Variants in ELL2 observed in about 807,000 individuals in gnomAD.
The protein encoded by ELL2 is RNA polymerase II elongation factor ELL2.
In ELL2, 21 loss-of-function variants were observed where a neutral mutation model predicts 72.8. The observed-to-expected ratio is 0.29, with a 90% CI of 0.20 to 0.42. ELL2 has a LOEUF of 0.42. ELL2 is among the 10% of genes least tolerant of loss of function. The pLI is 1.00. For missense variants in ELL2, 568 were observed against 772.8 expected, an observed-to-expected ratio of 0.73 and a Z score of 3.14; for synonymous variants, 266 against 283.2, an observed-to-expected ratio of 0.94 and a Z score of 0.61.
intron 1 of ELL2, among the ~76,000 whole-genome samples, chr5:95,954,403 C>CT (rs996595214): frequency 0.02 from 2,443 of 122,464 alleles, 68 homozygotes; most frequent in African/African-American, 0.056. Context: ...TTAAATTATT[C>CT]TTTTTTTTTT....
At chr5:95,915,925 G>A (rs1245419359) in intron 3 of ELL2, among the ~76,000 whole-genome samples, 3 of 152,062 alleles carry the variant, frequency 2.0e-5, no homozygotes. Flanking sequence ...AAAGGATAAC[G>A]AGAGGCTGAA....
chr5:95,885,205 G>C lies in ELL2; in HGVS notation c.*3666C>G, dbSNP rs1748425018. ...AGCCCCTGTGACATTTTACCTTTGAGAGTCCTAACACGGTTTGAGTGGAAC... is the reference window on the plus strand; with the variant it reads ...AGCCCCTGTGACATTTTACCTTTGACAGTCCTAACACGGTTTGAGTGGAAC... On this transcript the variant is annotated 3_prime_UTR_variant, in exon 12 of 12. Transcript: ENST00000237853. The C allele has an allele frequency of 6.6e-6, 1 of 152,188 alleles. No homozygotes were observed. Among genetic ancestry groups the C allele is most frequent in the East Asian group, 1.9e-4 (1 of 5,198 alleles). The allele number at this position is 152,188 out of a possible 1,614,324, so 9.4% of individuals were successfully genotyped here. A position where few individuals can be genotyped will look rare whatever the true frequency, so the allele number is the denominator to read the frequency against.
At chr5:95,934,284 G>T (rs1230680904) in intron 2 of ELL2, among the ~76,000 whole-genome samples, 2 of 152,016 alleles carry the variant, frequency 1.3e-5, no homozygotes, top group African/African-American at 4.8e-5. Context: ...ATAAAGAACT[G>T]CCCTTTTCCT....
In ELL2 at chr5:95,915,819, T is replaced by G. The variant is rs113707249; in HGVS notation, c.318-1885A>C. 4.4e-3 allele frequency among the ~76,000 whole-genome samples: 663 copies of G among 151,848 alleles called. 7 individuals are homozygous for G. The highest frequency in any genetic ancestry group is 0.015 in the African/African-American group (615 of 41,388). The stretch of plus-strand genomic sequence containing the variant: ...AGGTTTTCAAATTGTCCAAAGAAAG[T>G]TGGGAAGGACAATTACAGCTGAAGC... On this transcript the variant is annotated intron_variant, in intron 3 of 11. Transcript: ENST00000237853.
chr5:95,889,056 G>C (rs1391889453), intron 11 of ELL2, 30 bp downstream of exon 11: 2 of 1,599,454 alleles, frequency 1.3e-6, no homozygotes, highest in Non-Finnish European at 1.7e-6. Flanking sequence ...TTCAACCACA[G>C]GTCAGAAAAT....
At chr5:95,904,405 T>G (rs1410646234) in intron 5 of ELL2, among the ~76,000 whole-genome samples, 2 of 152,112 alleles carry the variant, frequency 1.3e-5, no homozygotes, top group Non-Finnish European at 2.9e-5. Flanking sequence ...TAAAAGGTCA[T>G]TCTAAGAAAA....
chr5:95,941,988 T>A lies in ELL2; in HGVS notation c.195+1014A>T, dbSNP rs983978744. Among the ~76,000 whole-genome samples the A allele has an allele frequency of 3.9e-4, 59 of 152,234 alleles. 1 individual carries two copies. The highest frequency in any genetic ancestry group is 1.4e-3 in the African/African-American group (59 of 41,460). On this transcript the variant is annotated intron_variant, in intron 2 of 11. Coordinates refer to ENST00000237853, the MANE Select transcript of ELL2 (RefSeq NM_012081.6). ...GGAAAACAGGACTTAATTGTAAAGCTGTCATGTAGAAGCAAAACTCTGACA... is the reference window on the plus strand; with the variant it reads ...GGAAAACAGGACTTAATTGTAAAGCAGTCATGTAGAAGCAAAACTCTGACA...
At chr5:95,903,136 C>T (rs1749205454) in intron 5 of ELL2, among the ~76,000 whole-genome samples, 1 of 151,446 alleles carries the variant, frequency 6.6e-6, no homozygotes, top group Middle Eastern at 3.4e-3. Context: ...ATTGACACCC[C>T]CACCCCCACA....
intron 9 of ELL2, among the ~76,000 whole-genome samples, chr5:95,892,343 C>T (rs1047845111): frequency 1.1e-4 from 16 of 152,084 alleles, no homozygotes; most frequent in African/African-American, 3.6e-4. Flanking sequence ...GACAGGGTTT[C>T]GTCATGTTGC....
chr5:95,954,634 G>T (rs1213740420), intron 1 of ELL2, among the ~76,000 whole-genome samples: 1 of 134,516 alleles, frequency 7.4e-6, no homozygotes, highest in Non-Finnish European at 1.5e-5. Flanking sequence ...TAGAGACAGG[G>T]TTTCACCGTG....
At chr5:95,928,818 C>A (rs956519690) in intron 2 of ELL2, among the ~76,000 whole-genome samples, 8 of 152,162 alleles carry the variant, frequency 5.3e-5, no homozygotes, top group Non-Finnish European at 1.5e-5. Flanking sequence ...CTCTGTCAGT[C>A]TCAAGGGTCA....
intron 9 of ELL2, among the ~76,000 whole-genome samples, chr5:95,893,005 A>C (rs1748723605): frequency 6.6e-6 from 1 of 152,224 alleles, no homozygotes; most frequent in Non-Finnish European, 1.5e-5. Context: ...CCTGGGGATA[A>C]GCATATATTA....
At chr5:95,938,612 C>A (rs1389420486) in intron 2 of ELL2, among the ~76,000 whole-genome samples, 2 of 152,032 alleles carry the variant, frequency 1.3e-5, no homozygotes, top group African/African-American at 4.8e-5. Flanking sequence ...ATCCTAGCTA[C>A]TTGGGAGGCT....
rs369413459 is a variant in ELL2 at position 95,951,031 on chromosome 5, C to G, written c.148-7982G>C. Among the ~76,000 whole-genome samples, 17 of 147,322 alleles carry G rather than the reference C, an allele frequency of 1.2e-4. No individual in the cohort carries two copies. In the East Asian group the frequency reaches 3.4e-3, roughly 29 times the overall value. Reference sequence around the variant, plus strand: ...GAACATGGAAGGCAAAAATCTAAACCAAACAACCAGCCAAAAAGTTAGTTA... The same window carrying G: ...GAACATGGAAGGCAAAAATCTAAACGAAACAACCAGCCAAAAAGTTAGTTA... On this transcript the variant is annotated intron_variant, in intron 1 of 11. Transcript: ENST00000237853.
At chr5:95,902,124 C>G (rs1405371011) in intron 5 of ELL2, among the ~76,000 whole-genome samples, 1 of 152,202 alleles carries the variant, frequency 6.6e-6, no homozygotes, top group African/African-American at 2.4e-5. Context: ...AATCCTTGAT[C>G]ACTTGTATTA....
chr5:95,887,044 A>G lies in ELL2; in HGVS notation c.*1827T>C, dbSNP rs1034341525. 9 of 152,140 alleles carry G rather than the reference A, an allele frequency of 5.9e-5. No individual in the cohort carries two copies. The highest frequency in any genetic ancestry group is 2.9e-5 in the Non-Finnish European group (2 of 68,028). 9.4% of individuals were successfully genotyped at this position (152,140 alleles called of 1,614,324 possible). A position where few individuals can be genotyped will look rare whatever the true frequency, so the allele number is the denominator to read the frequency against. On this transcript the variant is annotated 3_prime_UTR_variant, in exon 12 of 12. Coordinates refer to ENST00000237853, the MANE Select transcript of ELL2 (RefSeq NM_012081.6). The stretch of plus-strand genomic sequence containing the variant: ...ATTAAGTTTCCCTTTCCTTTTTTCA[A>G]TTAAAAAGTTTGAAATAAATTAACG...
At chr5:95,917,273 T>G (rs970988820) in intron 3 of ELL2, among the ~76,000 whole-genome samples, 1 of 152,198 alleles carries the variant, frequency 6.6e-6, no homozygotes, top group Non-Finnish European at 1.5e-5. Flanking sequence ...ATGAGAAAAG[T>G]GAGAATCAAG....
chr5:95,894,102 AT>A (rs1172403298), intron 9 of ELL2, among the ~76,000 whole-genome samples: 1 of 152,158 alleles, frequency 6.6e-6, no homozygotes, highest in African/African-American at 2.4e-5. Flanking sequence ...AATACAAAAA[AT>A]TACCCAGGCG....
intron 2 of ELL2, among the ~76,000 whole-genome samples, chr5:95,936,866 T>A (rs1750795209): frequency 6.6e-6 from 1 of 152,154 alleles, no homozygotes; most frequent in Admixed American, 6.5e-5. Context: ...ACAAGTTCAG[T>A]TTTTGGTGGG....
Sources: gnomAD v4.1 joint callset for allele counts (sites outside exome capture counted in the v4.1 genomes callset) on GRCh38, gnomAD v4.1.1 for gene constraint, MANE v1.5 for transcripts, NCBI Gene and HGNC (gene_info 2026-07-23, HGNC 2026-07-21) for gene names.